PPFIBP2: variants seen among roughly 807,000 people sequenced by gnomAD.
The protein encoded by PPFIBP2 is PPFIB scaffold protein 2, also known as liprin-beta-2.
In PPFIBP2, 118 loss-of-function variants were observed where a neutral mutation model predicts 118.3. The observed-to-expected ratio is 1.00, with a 90% confidence interval of 0.86 to 1.16. PPFIBP2 has a LOEUF of 1.16. Ranked by LOEUF, PPFIBP2 falls within the 50% of genes most tolerant of loss-of-function variation. The probability of loss-of-function intolerance (pLI) is 0.00; values close to 1 mark genes in which losing one functional copy is unlikely to be tolerated. For missense variants in PPFIBP2, 1,195 were observed against 1,073.1 expected, an observed-to-expected ratio of 1.11 and a Z score of -1.59; for synonymous variants, 414 against 397.4, an observed-to-expected ratio of 1.04 and a Z score of -0.50.
intron 11 of PPFIBP2, chr11:7,632,581 A>C (rs1269218864): frequency 4.4e-6 from 1 of 228,846 alleles, no homozygotes; most frequent in African/African-American, 2.2e-5. Flanking sequence ...GGGAAGGAGC[A>C]GAAAAAGCCC....
chr11:7,520,377 C>T (rs1023180404), intron 1 of PPFIBP2, among the ~76,000 whole-genome samples: 49 of 152,150 alleles, frequency 3.2e-4, no homozygotes, highest in Non-Finnish European at 5.0e-4. Context: ...TGCCGACGCA[C>T]GCTGCTAGCA....
At chr11:7,656,682 G>A (rs1409317008), downstream of PPFIBP2, 1 of 1,282,578 alleles carries the variant, frequency 7.8e-7, no homozygotes, top group Non-Finnish European at 1.0e-6. Context: ...GGGCAGCCTG[G>A]ACCAAAACTC....
At chr11:7,550,091 A>C (rs1477473850) in intron 2 of PPFIBP2, among the ~76,000 whole-genome samples, 1 of 152,222 alleles carries the variant, frequency 6.6e-6, no homozygotes, top group East Asian at 1.9e-4. Flanking sequence ...CTTAGAAAAG[A>C]TCTAGCAAAG....
At chr11:7,593,007 TG>T in intron 3 of PPFIBP2, 124 bp from the exon 4 acceptor site, 2 of 1,347,738 alleles carry the variant, frequency 1.5e-6, no homozygotes, top group East Asian at 5.2e-5. Context: ...TTTTGATGAT[TG>T]GTTTTGTACA....
rs115846812 is a variant in PPFIBP2, at chr11:7,635,609, G to A, written c.1236+16G>A. 8.0e-4 allele frequency: 1,275 copies of A among 1,598,906 alleles called. 14 individuals are homozygous for A. In the African/African-American group the frequency reaches 0.014, roughly 17 times the overall value. ...AGAACCCAAGGTACATTGACTTCGT[G>A]CCCCGTCGTCTATTTGTGGTTACAC... On this transcript the variant is annotated intron_variant, in intron 14 of 23. Coordinates refer to ENST00000299492, the MANE Select transcript of PPFIBP2 (RefSeq NM_003621.5).
intron 18 of PPFIBP2, 72 bp from the exon 19 acceptor site, chr11:7,648,728 C>T (rs577193220): frequency 2.0e-6 from 3 of 1,497,568 alleles, no homozygotes; most frequent in South Asian, 1.1e-5. Flanking sequence ...CATCTCCACC[C>T]AGACACAGCT....
intron 22 of PPFIBP2, 101 bp from the exon 23 acceptor site, chr11:7,651,555 C>T: frequency 9.2e-7 from 1 of 1,092,346 alleles, no homozygotes; most frequent in Non-Finnish European, 1.3e-6. Flanking sequence ...TGTCCCTCCT[C>T]TGGAGGCACC....
At chr11:7,624,688 G>A (rs980640432) in intron 7 of PPFIBP2, among the ~76,000 whole-genome samples, 1 of 152,222 alleles carries the variant, frequency 6.6e-6, no homozygotes, top group East Asian at 1.9e-4. Context: ...GAATTGAACC[G>A]ATTATCCACA....
At chr11:7,551,806 T>C (rs1018854423) in intron 2 of PPFIBP2, among the ~76,000 whole-genome samples, 1 of 152,218 alleles carries the variant, frequency 6.6e-6, no homozygotes. Flanking sequence ...ATTCCTGAAA[T>C]GACAGAGCCT....
At chr11:7,641,737 G>A in intron 16 of PPFIBP2, 117 bp downstream of exon 16, 4 of 1,040,472 alleles carry the variant, frequency 3.8e-6, no homozygotes, top group Non-Finnish European at 2.8e-6. Flanking sequence ...AAAACAGAGT[G>A]TTCATGTTCA....
At chr11:7,545,786 C>A (rs1434622958) in intron 1 of PPFIBP2, among the ~76,000 whole-genome samples, 1 of 152,202 alleles carries the variant, frequency 6.6e-6, no homozygotes, top group African/African-American at 2.4e-5. Flanking sequence ...CCTTACTCAG[C>A]TTTATGCTAA....
chr11:7,638,110 G>A (rs1176970580), intron 14 of PPFIBP2, among the ~76,000 whole-genome samples: 1 of 152,192 alleles, frequency 6.6e-6, no homozygotes, highest in African/African-American at 2.4e-5. Context: ...GGGTCTGACT[G>A]CATTAGTATA....
In PPFIBP2 at chr11:7,653,652, G is replaced by A. The variant is rs1251635176; in HGVS notation, c.*434G>A. 2 of 1,292,520 alleles carry A rather than the reference G, an allele frequency of 1.5e-6. No homozygotes were observed. The highest frequency in any genetic ancestry group is 4.6e-5 in the Admixed American group (2 of 43,622). 80.1% of individuals were successfully genotyped at this position (1,292,520 alleles called of 1,614,324 possible). On this transcript the variant is annotated 3_prime_UTR_variant, in exon 24 of 24. Transcript: ENST00000299492. ...CCACAGTCTTGGCTGAGATCAAAGGGATGAGCAACAGGGACTTCTGCCACA... is the reference window on the plus strand; with the variant it reads ...CCACAGTCTTGGCTGAGATCAAAGGAATGAGCAACAGGGACTTCTGCCACA...
chr11:7,531,981 A>G (rs1850732125), intron 1 of PPFIBP2, among the ~76,000 whole-genome samples: 1 of 152,044 alleles, frequency 6.6e-6, no homozygotes, highest in South Asian at 2.1e-4. Context: ...GATTATAGGC[A>G]TGTACTACCA....
intron 3 of PPFIBP2, among the ~76,000 whole-genome samples, chr11:7,591,043 A>G (rs1859187346): frequency 6.6e-6 from 1 of 152,096 alleles, no homozygotes. Context: ...TCCCCCTTCT[A>G]GCATGTGCTA....
chr11:7,611,827 A>G (rs1430489305), intron 6 of PPFIBP2, among the ~76,000 whole-genome samples: 1 of 152,234 alleles, frequency 6.6e-6, no homozygotes, highest in Non-Finnish European at 1.5e-5. Flanking sequence ...GTAGACATAG[A>G]TACATTATTT....
chr11:7,593,053 C>T (rs1859633868), intron 3 of PPFIBP2, 79 bp from the exon 4 acceptor site: 1 of 1,561,240 alleles, frequency 6.4e-7, no homozygotes, highest in East Asian at 2.3e-5. Context: ...AAATTACATG[C>T]ATCCCTTATT....
chr11:7,563,309 C>A (rs538755899), intron 2 of PPFIBP2, among the ~76,000 whole-genome samples: 1 of 152,018 alleles, frequency 6.6e-6, no homozygotes, highest in Non-Finnish European at 1.5e-5. Context: ...TGCTTCTGTC[C>A]GTTTTCTTCC....
At position 7,583,170 on chromosome 11, in the gene PPFIBP2, T is replaced by C. The variant is rs564713675; in HGVS notation, c.280-9962T>C. ...CATCTTTTAAATTCCTTCTGTAATG[T>C]TATTTTTGCTGCCTCTAGTTCCCAG... is the stretch of plus-strand genomic sequence containing the variant. On this transcript the variant is annotated intron_variant, in intron 3 of 23. Coordinates refer to ENST00000299492, the MANE Select transcript of PPFIBP2 (RefSeq NM_003621.5). 1.5e-4 allele frequency among the ~76,000 whole-genome samples: 23 copies of C among 152,338 alleles called. No homozygotes were observed. The South Asian group carries it at 2.7e-3, about 18-fold the overall frequency.
Sources: gnomAD v4.1 joint callset for allele counts (sites outside exome capture counted in the v4.1 genomes callset) on GRCh38, gnomAD v4.1.1 for gene constraint, MANE v1.5 for transcripts, NCBI Gene and HGNC (gene_info 2026-07-23, HGNC 2026-07-21) for gene names.